Variants in DPY30 observed in about 807,000 individuals in gnomAD.
DPY30 encodes the protein dpy-30 histone methyltransferase complex regulatory subunit.
DPY30 carries 6 observed loss-of-function variants against 16.2 expected under a neutral mutation model. That is an observed-to-expected ratio of 0.37 (90% CI 0.20 to 0.73). The LOEUF is 0.73. Ranked by LOEUF, DPY30 falls within the 30% of genes least tolerant of loss-of-function variation. The pLI, the probability that DPY30 is intolerant of heterozygous loss-of-function variation, is 0.51. For synonymous variants in DPY30, 39 were observed against 38.8 expected (o/e 1.00, Z -0.02); for missense variants, 73 against 113.1 (o/e 0.65, Z 1.61).
intron 5 of DPY30, chr2:32,013,411 G>A (rs1402865608): frequency 2.6e-5 from 4 of 152,092 alleles, no homozygotes; most frequent in Non-Finnish European, 5.9e-5. Flanking sequence ...CTCTCAATAC[G>A]TGCCACAATT....
rs570174228 is a variant in DPY30 at position 32,024,003 on chromosome 2, G to C, written c.*181C>G. On this transcript the variant is annotated 3_prime_UTR_variant, in exon 5 of 5. Transcript: ENST00000342166. ...AGAATACACTCATTAAATAGGTATG[G>C]TTTATGGTGATTAAATCAAAATAAG... The C allele has an allele frequency of 1.3e-3, 1,951 of 1,451,492 alleles. 2 individuals are homozygous for C. The highest frequency in any genetic ancestry group is 1.6e-3 in the Non-Finnish European group (1,777 of 1,108,764). 89.9% of individuals were successfully genotyped at this position (1,451,492 alleles called of 1,614,324 possible). A position where few individuals can be genotyped will look rare whatever the true frequency, so the allele number is the denominator to read the frequency against.
intron 3 of DPY30, among the ~76,000 whole-genome samples, chr2:32,037,025 G>T (rs963832619): frequency 6.6e-6 from 1 of 152,160 alleles, no homozygotes; most frequent in African/African-American, 2.4e-5. Context: ...AACAATGTCC[G>T]CCAGAAGACT....
chr2:32,038,928 G>A (rs1425718265), intron 3 of DPY30, among the ~76,000 whole-genome samples: 3 of 152,172 alleles, frequency 2.0e-5, no homozygotes, highest in African/African-American at 4.8e-5. Flanking sequence ...GATGATAGGC[G>A]TGGGCCATCG....
chr2:32,025,887 A>G (rs1004889897), intron 4 of DPY30, among the ~76,000 whole-genome samples: 1 of 151,894 alleles, frequency 6.6e-6, no homozygotes, highest in African/African-American at 2.4e-5. Context: ...GCAGGCAGAT[A>G]GCTTGAGCCC....
Position 32,014,280 on chromosome 2 carries a change from C to A in DPY30, n.378-2228G>T, listed in dbSNP as rs371181155. On this transcript the variant is annotated intron_variant and non_coding_transcript_variant, in intron 5 of 5. Transcript: ENST00000414013. The stretch of plus-strand genomic sequence containing the variant: ...GGAGGATCACTTGAGGCCAGGAGTT[C>A]GAGACCAGCCTGGACAACATAGCAA... 1.3e-4 allele frequency among the ~76,000 whole-genome samples: 19 copies of A among 151,814 alleles called. No individual in the cohort carries two copies. The East Asian group carries it at 2.9e-3, about 23-fold the overall frequency.
intron 3 of DPY30, among the ~76,000 whole-genome samples, chr2:32,035,147 T>C (rs1235050416): frequency 6.7e-6 from 1 of 149,620 alleles, no homozygotes; most frequent in Admixed American, 6.7e-5. Context: ...CTGCCAGGCA[T>C]GGTGGCACAC....
intron 3 of DPY30, among the ~76,000 whole-genome samples, chr2:32,031,051 T>C (rs775860712): frequency 2.6e-5 from 4 of 152,300 alleles, no homozygotes; most frequent in Admixed American, 6.5e-5. Flanking sequence ...AGCTATCAAA[T>C]AGATTCGACT....
intron 4 of DPY30, 49 bp from the exon 5 acceptor site, chr2:32,024,305 G>A: frequency 7.4e-7 from 1 of 1,346,666 alleles, no homozygotes; most frequent in South Asian, 1.3e-5. Context: ...TCCTAGGTGT[G>A]TTAATTTAAA....
chr2:32,030,963 CAAT>C (rs919687989), intron 3 of DPY30, among the ~76,000 whole-genome samples: 2 of 151,986 alleles, frequency 1.3e-5, no homozygotes, highest in Non-Finnish European at 2.9e-5. Flanking sequence ...CACTAAAAAA[CAAT>C]AATTACAATT....
chr2:32,031,822 G>C (rs1675554514), intron 3 of DPY30, among the ~76,000 whole-genome samples: 1 of 151,854 alleles, frequency 6.6e-6, no homozygotes, highest in African/African-American at 2.4e-5. Context: ...GATTCCAGGA[G>C]GCAGAGGTTG....
At chr2:32,023,166 C>G (rs2148655013), downstream of DPY30, among the ~76,000 whole-genome samples, 1 of 151,024 alleles carries the variant, frequency 6.6e-6, no homozygotes, top group East Asian at 2.0e-4. Flanking sequence ...TAGACATCAA[C>G]AAATGTTCTC....
chr2:32,019,855 T>TATATATATATAC (rs1553386430), downstream of DPY30, among the ~76,000 whole-genome samples: 1 of 139,978 alleles, frequency 7.1e-6, no homozygotes, highest in African/African-American at 2.7e-5. Flanking sequence ...TATATATATA[T>TATATATATATAC]ACACACACAT....
chr2:32,013,956 C>G (rs1181229665), intron 5 of DPY30, among the ~76,000 whole-genome samples: 1 of 150,212 alleles, frequency 6.7e-6, no homozygotes, highest in Non-Finnish European at 1.5e-5. Flanking sequence ...TGCTGTGAGC[C>G]GAGATCATGC....
intron 5 of DPY30, among the ~76,000 whole-genome samples, chr2:32,015,093 A>G (rs796161658): frequency 1.1e-4 from 16 of 152,250 alleles, no homozygotes; most frequent in African/African-American, 3.6e-4. Flanking sequence ...ACAAAAAAAA[A>G]AACCTCTATT....
chr2:32,034,741 G>A (rs1558591857), intron 3 of DPY30, among the ~76,000 whole-genome samples: 2 of 152,200 alleles, frequency 1.3e-5, no homozygotes, highest in Non-Finnish European at 2.9e-5. Flanking sequence ...ACTCACACCT[G>A]TAATCCCAGC....
intron 3 of DPY30, among the ~76,000 whole-genome samples, chr2:32,036,403 G>A (rs1400215810): frequency 6.6e-6 from 1 of 152,144 alleles, no homozygotes; most frequent in Non-Finnish European, 1.5e-5. Context: ...TGGGCGCGGT[G>A]GCTCACGCCT....
chr2:32,016,504 C>T (rs1481656205), intron 5 of DPY30, among the ~76,000 whole-genome samples: 5 of 152,202 alleles, frequency 3.3e-5, no homozygotes, highest in Admixed American at 6.5e-5. Flanking sequence ...TCGCTTCTAA[C>T]AGGAAGTTAT....
At chr2:32,039,190 G>C (rs550083018) in intron 3 of DPY30, 89 bp downstream of exon 3, 2 of 1,530,128 alleles carry the variant, frequency 1.3e-6, no homozygotes, top group East Asian at 2.2e-5. Context: ...GTTTTCCCTT[G>C]TGCATAGCCA....
chr2:32,023,533 A>T, downstream of DPY30: 1 of 491,880 alleles, frequency 2.0e-6, no homozygotes, highest in Non-Finnish European at 4.1e-6. Context: ...GAGATCATTT[A>T]AGTAAAAATG....
Sources: gnomAD v4.1 joint callset for allele counts (sites outside exome capture counted in the v4.1 genomes callset) on GRCh38, gnomAD v4.1.1 for gene constraint, MANE v1.5 for transcripts, NCBI Gene and HGNC (gene_info 2026-07-23, HGNC 2026-07-21) for gene names.